Variants in LARP6 observed in about 807,000 individuals in gnomAD.
LARP6 encodes La ribonucleoprotein 6, translational regulator.
LARP6 carries 18 observed loss-of-function variants against 32.8 expected under a neutral mutation model. That is an observed-to-expected ratio of 0.55 (90% CI 0.38 to 0.81). The LOEUF is 0.81. LARP6 is among the 40% of genes least tolerant of loss of function. The pLI, the probability that LARP6 is intolerant of heterozygous loss-of-function variation, is 0.00. For synonymous variants in LARP6, 289 were observed against 267.2 expected, an observed-to-expected ratio of 1.08 and a Z score of -0.80; for missense variants, 598 against 663.1, an observed-to-expected ratio of 0.90 and a Z score of 1.08.
In LARP6 at chr15:70,833,058, A is replaced by G. The variant is rs756837731; in HGVS notation, c.470T>C (p.Val157Ala). 5.0e-6 allele frequency: 8 copies of G among 1,614,004 alleles called. No individual in the cohort carries two copies. In the East Asian group the frequency reaches 1.6e-4, roughly 31 times the overall value. ...CCGGTGGTCCTCATTCAACTCAAGG[A>G]CCACTGAATACTTCAAAGCATGTGC... ...TTAHALKYSV[V>A]LELNEDHRKV... The change falls in exon 3 of 3, where the codon GTC becomes GCC. Residue 157 changes from valine to alanine, a missense_variant. By Grantham distance (64) the Val-to-Ala change is moderately conservative (BLOSUM62 0). Transcript: ENST00000299213.
At chr15:70,853,729 G>C (rs934370808) in intron 1 of LARP6, among the ~76,000 whole-genome samples, 160 bp downstream of exon 1, 1 of 152,158 alleles carries the variant, frequency 6.6e-6, no homozygotes, top group Non-Finnish European at 1.5e-5. Context: ...TCCACGGGCC[G>C]GTTCTGACTC....
At position 70,831,418 on chromosome 15, in the gene LARP6, T is replaced by C. The variant is rs1444352325; in HGVS notation, c.*634A>G. On this transcript the variant is annotated 3_prime_UTR_variant, in exon 3 of 3. Coordinates refer to ENST00000299213, the MANE Select transcript of LARP6 (RefSeq NM_018357.4). ...GTGTACAAATAAAAAAATTTTTAAA[T>C]GTTCTCTTAAAGAAAAGAAAGATGT... 3 of 152,356 alleles carry C rather than the reference T, an allele frequency of 2.0e-5. No individual in the cohort carries two copies. The highest frequency in any genetic ancestry group is 2.9e-5 in the Non-Finnish European group (2 of 68,036). The allele number at this position is 152,356 out of a possible 1,614,324, so 9.4% of individuals were successfully genotyped here.
At chr15:70,833,179 A>G (rs1230844856) in intron 2 of LARP6, 63 bp from the exon 3 acceptor site, 9 of 1,337,858 alleles carry the variant, frequency 6.7e-6, no homozygotes, top group Admixed American at 1.7e-5. Flanking sequence ...TGTGTATGCT[A>G]TAAGCTCCCT....
chr15:70,842,031 TTCTC>T (rs1458460465), intron 1 of LARP6, among the ~76,000 whole-genome samples: 1 of 151,930 alleles, frequency 6.6e-6, no homozygotes, highest in Admixed American at 6.6e-5. Context: ...TGTCTCCTCT[TTCTC>T]TCTCCATTTC....
rs2032564150 is a variant in LARP6 at position 70,853,880 on chromosome 15, C to G, written c.200+9G>C. The G allele has an allele frequency of 7.9e-7, 1 of 1,269,556 alleles. No homozygotes were observed. Among genetic ancestry groups the G allele is most frequent in the African/African-American group, 1.6e-5 (1 of 64,106 alleles). The allele number at this position is 1,269,556 out of a possible 1,614,324, so 78.6% of individuals were successfully genotyped here. A position where few individuals can be genotyped will look rare whatever the true frequency, so the allele number is the denominator to read the frequency against. ...GGGGCCCACCTCCCGGGCCAGCCGC[C>G]GCGCCTACCTGTGCCCGCGGCTCGG... is the stretch of plus-strand genomic sequence containing the variant. On this transcript the variant is annotated intron_variant, in intron 1 of 2. Coordinates refer to ENST00000299213, the MANE Select transcript of LARP6 (RefSeq NM_018357.4).
rs981695692 is a variant in LARP6 at position 70,838,536 on chromosome 15, C to T, written c.201-2031G>A. ...AAACAATCCCATCACGGGGTCTCTT[C>T]TTAATAAAGCCCACTATCACCAGCA... On this transcript the variant is annotated intron_variant, in intron 1 of 2. Transcript: ENST00000299213. 9.2e-5 allele frequency among the ~76,000 whole-genome samples: 14 copies of T among 152,264 alleles called. No individual in the cohort carries two copies. The East Asian group carries it at 2.5e-3, about 27-fold the overall frequency.
intron 1 of LARP6, among the ~76,000 whole-genome samples, chr15:70,838,444 C>G (rs1299159904): frequency 6.6e-6 from 1 of 152,150 alleles, no homozygotes; most frequent in Non-Finnish European, 1.5e-5. Context: ...AACTCAAATC[C>G]TCTGTCTCCA....
intron 1 of LARP6, among the ~76,000 whole-genome samples, chr15:70,843,054 T>G (rs965468260): frequency 6.6e-6 from 1 of 152,192 alleles, no homozygotes; most frequent in Non-Finnish European, 1.5e-5. Context: ...GTCAACTTAT[T>G]GCCGATTACA....
Position 70,833,081 on chromosome 15 carries a change from T to G in LARP6, c.447A>C (p.Ala149=). The part of the protein sequence containing the change: ...KHLTRDWRTT[A]HALKYSVVLE... ...GGACCACTGAATACTTCAAAGCATG[T>G]GCTGTGGTTCTCCAGTCCCGTGTAA... The change falls in exon 3 of 3, where the codon GCA becomes GCC. Residue 149 remains alanine, a synonymous_variant. Transcript: ENST00000299213. 1 of 1,614,130 alleles carries G rather than the reference T, an allele frequency of 6.2e-7. No individual in the cohort carries two copies.
At chr15:70,847,371 A>AT (rs893881453) in intron 1 of LARP6, among the ~76,000 whole-genome samples, 163 of 145,056 alleles carry the variant, frequency 1.1e-3, no homozygotes, top group Admixed American at 4.0e-3. Context: ...TCAGTGCTGA[A>AT]TTTTTTTTTT....
intron 1 of LARP6, among the ~76,000 whole-genome samples, chr15:70,843,148 C>G (rs2032286541): frequency 6.6e-6 from 1 of 152,142 alleles, no homozygotes; most frequent in South Asian, 2.1e-4. Flanking sequence ...TACTTAAGCT[C>G]AAGACCTAGG....
At chr15:70,835,880 C>T (rs1169485482) in intron 2 of LARP6, among the ~76,000 whole-genome samples, 1 of 152,170 alleles carries the variant, frequency 6.6e-6, no homozygotes, top group Non-Finnish European at 1.5e-5. Context: ...TCTGGGTGCT[C>T]ATTCTCTCCC....
intron 1 of LARP6, among the ~76,000 whole-genome samples, chr15:70,843,246 T>C (rs1166536593): frequency 1.3e-5 from 2 of 152,214 alleles, no homozygotes; most frequent in Non-Finnish European, 2.9e-5. Context: ...ATCTGTTCTC[T>C]CTTTGCCATT....
intron 1 of LARP6, among the ~76,000 whole-genome samples, chr15:70,847,098 C>T (rs2032361505): frequency 6.6e-6 from 1 of 152,096 alleles, no homozygotes; most frequent in Admixed American, 6.5e-5. Context: ...AAAGTATCAC[C>T]AATGTAAAGC....
intron 1 of LARP6, chr15:70,848,765 T>G (rs191433845): frequency 6.6e-6 from 1 of 151,500 alleles, no homozygotes; most frequent in Admixed American, 6.6e-5. Flanking sequence ...ATTATCACCA[T>G]CCAAAGCAGG....
intron 2 of LARP6, among the ~76,000 whole-genome samples, chr15:70,834,593 A>G (rs951250064): frequency 6.6e-5 from 10 of 152,238 alleles, no homozygotes; most frequent in Non-Finnish European, 8.8e-5. Flanking sequence ...TGCCTTACTC[A>G]GAGGGCTACA....
chr15:70,834,321 C>A (rs766799554), intron 2 of LARP6, among the ~76,000 whole-genome samples: 3 of 152,132 alleles, frequency 2.0e-5, no homozygotes, highest in African/African-American at 7.2e-5. Flanking sequence ...TAGAAGAACA[C>A]GGGTCCAAGG....
At chr15:70,839,028 A>G (rs1042411473) in intron 1 of LARP6, among the ~76,000 whole-genome samples, 4 of 152,202 alleles carry the variant, frequency 2.6e-5, no homozygotes, top group African/African-American at 9.6e-5. Flanking sequence ...AAATTCAGAA[A>G]TTATAATTAG....
intron 1 of LARP6, among the ~76,000 whole-genome samples, chr15:70,836,901 C>A (rs539665262): frequency 1.3e-5 from 2 of 152,264 alleles, no homozygotes; most frequent in South Asian, 4.2e-4. Flanking sequence ...TGATTTCGGG[C>A]TTCAGGCCTC....
Sources: allele counts gnomAD v4.1 joint callset (sites outside exome capture counted in the v4.1 genomes callset), GRCh38; gene constraint gnomAD v4.1.1; transcripts MANE v1.5; gene names NCBI Gene and HGNC (gene_info 2026-07-23, HGNC 2026-07-21).